The following SNX10 variants were observed in gnomAD, a reference collection of about 807,000 sequenced individuals.
The protein encoded by SNX10 is sorting nexin 10.
A neutral mutation model predicts 28.5 loss-of-function variants in SNX10; 25 were observed. That is an observed-to-expected ratio of 0.88 (90% confidence interval 0.64 to 1.22). The LOEUF is 1.22. Among genes scored for constraint, SNX10 ranks in the 50% most tolerant of loss-of-function variants. The pLI is 0.00. For synonymous variants in SNX10, 62 were observed against 81.4 expected (o/e 0.76, Z 1.28); for missense variants, 223 against 242.6 (o/e 0.92, Z 0.54).
At chr7:26,326,182 A>C (rs1787497153) in intron 1 of SNX10, among the ~76,000 whole-genome samples, 1 of 152,234 alleles carries the variant, frequency 6.6e-6, no homozygotes, top group Non-Finnish European at 1.5e-5. Context: ...CGAACAAATT[A>C]GTTCTTCCCT....
chr7:26,350,250 C>T (rs921883423), intron 2 of SNX10, among the ~76,000 whole-genome samples: 1 of 152,144 alleles, frequency 6.6e-6, no homozygotes, highest in African/African-American at 2.4e-5. Flanking sequence ...ATATATCCAT[C>T]ACTTCTTTGG....
At chr7:26,354,321 C>T (rs1191346277) in intron 2 of SNX10, 1 of 152,052 alleles carries the variant, frequency 6.6e-6, no homozygotes, top group Non-Finnish European at 1.5e-5. Flanking sequence ...TGCTTGTTTT[C>T]TAATTGAATT....
At chr7:26,353,460 T>TTGTGGG (rs1788689204) in intron 2 of SNX10, among the ~76,000 whole-genome samples, 6 of 83,432 alleles carry the variant, frequency 7.2e-5, no homozygotes, top group Admixed American at 1.5e-4. Context: ...TTTTTTTTTT[T>TTGTGGG]GGTGGGGAGA....
intron 1 of SNX10, among the ~76,000 whole-genome samples, chr7:26,340,550 C>T (rs745941569): frequency 1.2e-4 from 19 of 152,284 alleles, no homozygotes; most frequent in Admixed American, 2.6e-4. Context: ...GCTTTCTCCT[C>T]GAGTTTTCGG....
At chr7:26,293,442 G>A (rs192686764) in intron 1 of SNX10, among the ~76,000 whole-genome samples, 141 of 152,238 alleles carry the variant, frequency 9.3e-4, no homozygotes, top group South Asian at 3.5e-3. Context: ...CTGAGCTCAA[G>A]CAATCCACCT....
rs1177864894 is a variant in SNX10, at chr7:26,303,317, C to A, written c.-24+11231C>A. Among the ~76,000 whole-genome samples the A allele has an allele frequency of 8.5e-5, 13 of 152,182 alleles. 1 individual carries two copies. Among genetic ancestry groups the A allele is most frequent in the Admixed American group, 8.5e-4 (13 of 15,268 alleles). ...AGGCAACTGCTTGGAACTGGAAAGTCAAAAACTGAAGCTGCACTTTCACTC... is the reference window on the plus strand; with the variant it reads ...AGGCAACTGCTTGGAACTGGAAAGTAAAAAACTGAAGCTGCACTTTCACTC... On this transcript the variant is annotated intron_variant, in intron 1 of 6. Coordinates refer to ENST00000338523, the MANE Select transcript of SNX10 (RefSeq NM_013322.3).
chr7:26,368,164 G>A (rs1254516611), intron 5 of SNX10, among the ~76,000 whole-genome samples: 4 of 152,104 alleles, frequency 2.6e-5, no homozygotes, highest in Non-Finnish European at 5.9e-5. Context: ...TTTAGTCTCA[G>A]TACTAAAAAT....
intron 1 of SNX10, among the ~76,000 whole-genome samples, chr7:26,341,274 G>C (rs774910330): frequency 7.2e-4 from 110 of 152,188 alleles, no homozygotes; most frequent in Admixed American, 1.5e-3. Context: ...ATTCTAGCCT[G>C]GGTGACAGTG....
rs566638555 is a variant in SNX10, at chr7:26,325,772, G to A, written c.-23-20648G>A. Among the ~76,000 whole-genome samples, 6 of 151,394 alleles carry A rather than the reference G, an allele frequency of 4.0e-5. No homozygotes were observed. In the East Asian group the frequency reaches 1.2e-3, roughly 30 times the overall value. On this transcript the variant is annotated intron_variant, in intron 1 of 6. Coordinates refer to ENST00000338523, the MANE Select transcript of SNX10 (RefSeq NM_013322.3). ...AGATGGAGTCTCACTCTGTTGCCCAGGCTGGAGTGCAGTGGTGTGATCTCA... is the reference window on the plus strand; with the variant it reads ...AGATGGAGTCTCACTCTGTTGCCCAAGCTGGAGTGCAGTGGTGTGATCTCA...
intron 1 of SNX10, among the ~76,000 whole-genome samples, chr7:26,329,723 T>C (rs1172516269): frequency 6.6e-6 from 1 of 152,132 alleles, no homozygotes; most frequent in Admixed American, 6.5e-5. Context: ...ATCACAGCGT[T>C]ACAAAGGGAG....
At position 26,330,030 on chromosome 7, in the gene SNX10, C is replaced by T. The variant is rs530219519; in HGVS notation, c.-23-16390C>T. Among the ~76,000 whole-genome samples the T allele has an allele frequency of 7.2e-5, 11 of 152,142 alleles. No homozygotes were observed. The East Asian group carries it at 1.7e-3, about 24-fold the overall frequency. On this transcript the variant is annotated intron_variant, in intron 1 of 6. Transcript: ENST00000338523. ...CCGATTGGGTGAGAATGAGGAAGTG[C>T]GATCAGGAAGGGCAGGCCCTGGTGG...
At chr7:26,328,420 G>A (rs972247363) in intron 1 of SNX10, among the ~76,000 whole-genome samples, 1 of 152,194 alleles carries the variant, frequency 6.6e-6, no homozygotes, top group Non-Finnish European at 1.5e-5. Flanking sequence ...TGAGGTGTGT[G>A]CAGAATGTCC....
intron 1 of SNX10, among the ~76,000 whole-genome samples, chr7:26,311,070 C>T (rs776680310): frequency 1.3e-5 from 2 of 152,124 alleles, no homozygotes; most frequent in African/African-American, 2.4e-5. Flanking sequence ...GCCAGGGAAC[C>T]GAAGGGGCGA....
intron 2 of SNX10, among the ~76,000 whole-genome samples, chr7:26,355,618 T>C: frequency 6.6e-6 from 1 of 152,126 alleles, no homozygotes; most frequent in Admixed American, 6.5e-5. Flanking sequence ...AATACAAAAA[T>C]GAAATACAAA....
At chr7:26,372,359 T>C (rs1584185957) in intron 6 of SNX10, 132 bp from the exon 7 acceptor site, 3 of 694,358 alleles carry the variant, frequency 4.3e-6, no homozygotes, top group South Asian at 3.5e-5. Flanking sequence ...AAATGGCTAA[T>C]TAAAAGTCCA....
intron 1 of SNX10, among the ~76,000 whole-genome samples, chr7:26,299,441 C>T (rs1296494420): frequency 6.6e-6 from 1 of 151,950 alleles, no homozygotes; most frequent in Admixed American, 6.6e-5. Context: ...GCCTCAGCCT[C>T]CCAAAGTGCT....
chr7:26,359,062 T>C (rs1483563252), intron 2 of SNX10, among the ~76,000 whole-genome samples: 1 of 152,072 alleles, frequency 6.6e-6, no homozygotes, highest in East Asian at 1.9e-4. Flanking sequence ...CGCCTCAGCC[T>C]CCCAAAGTGC....
At chr7:26,325,634 A>G (rs570855927) in intron 1 of SNX10, among the ~76,000 whole-genome samples, 1 of 151,812 alleles carries the variant, frequency 6.6e-6, no homozygotes, top group South Asian at 2.1e-4. Flanking sequence ...TCAAATATAA[A>G]TTTGTTTGAC....
At chr7:26,302,653 C>T (rs1307176301) in intron 1 of SNX10, among the ~76,000 whole-genome samples, 3 of 152,190 alleles carry the variant, frequency 2.0e-5, no homozygotes, top group Non-Finnish European at 2.9e-5. Context: ...GCGGGGTGCA[C>T]CCTCGGTTTC....
Sources: allele counts gnomAD v4.1 joint callset (sites outside exome capture counted in the v4.1 genomes callset), GRCh38; gene constraint gnomAD v4.1.1; transcripts MANE v1.5; gene names NCBI Gene and HGNC (gene_info 2026-07-23, HGNC 2026-07-21).